Variants in CHST9 observed in about 807,000 individuals in gnomAD.
CHST9 encodes carbohydrate sulfotransferase 9.
In CHST9, 41 loss-of-function variants were observed where a neutral mutation model predicts 44.4. That is an observed-to-expected ratio of 0.92 (90% confidence interval 0.72 to 1.20). CHST9 has a LOEUF of 1.20. Ranked by LOEUF, CHST9 falls within the 50% of genes most tolerant of loss-of-function variation. The pLI is 0.00. For synonymous variants in CHST9, 171 were observed against 178.4 expected (o/e 0.96, Z 0.33); for missense variants, 504 against 516.5 (o/e 0.98, Z 0.23).
intron 5 of CHST9, among the ~76,000 whole-genome samples, chr18:26,918,309 T>C (rs2055575874): frequency 6.6e-6 from 1 of 152,054 alleles, no homozygotes; most frequent in Non-Finnish European, 1.5e-5. Flanking sequence ...TTGAAAAGGA[T>C]GGTGTGGAGA....
chr18:27,066,659 C>G (rs1375499290), intron 2 of CHST9, among the ~76,000 whole-genome samples: 3 of 152,130 alleles, frequency 2.0e-5, no homozygotes, highest in African/African-American at 7.2e-5. Context: ...ATTCACATTT[C>G]CTACATTAAT....
intron 4 of CHST9, among the ~76,000 whole-genome samples, chr18:26,954,957 A>G (rs2145137757): frequency 6.6e-6 from 1 of 152,248 alleles, no homozygotes. Flanking sequence ...AGTGTTCAAT[A>G]TATATATTGA....
In CHST9 at chr18:27,142,909, G is replaced by C; in HGVS notation, c.-96-4C>G. ...GAGCCCAATTCCATAAAGTAACCTA[G>C]AATTTTAAAAAGAAATCTACATTGT... On this transcript the variant is annotated splice_polypyrimidine_tract_variant and splice_region_variant and intron_variant, in intron 1 of 5. Coordinates refer to ENST00000618847, the MANE Select transcript of CHST9 (RefSeq NM_031422.6). 8.8e-7 allele frequency: 1 copy of C among 1,132,582 alleles called. No individual in the cohort carries two copies. Among genetic ancestry groups the C allele is most frequent in the South Asian group, 1.8e-5 (1 of 56,492 alleles). 70.2% of individuals were successfully genotyped at this position (1,132,582 alleles called of 1,614,324 possible). A position where few individuals can be genotyped will look rare whatever the true frequency, so the allele number is the denominator to read the frequency against.
chr18:27,174,101 T>A (rs1225027173), intron 1 of CHST9, among the ~76,000 whole-genome samples: 1 of 151,984 alleles, frequency 6.6e-6, no homozygotes, highest in Non-Finnish European at 1.5e-5. Flanking sequence ...GATGTAATAC[T>A]GTTATATGAG....
At chr18:27,099,078 T>G (rs1480820730) in intron 2 of CHST9, among the ~76,000 whole-genome samples, 1 of 151,938 alleles carries the variant, frequency 6.6e-6, no homozygotes. Flanking sequence ...TCGACAAAAA[T>G]AAGCAATAGA....
chr18:27,049,202 G>C (rs1175338041), intron 2 of CHST9, among the ~76,000 whole-genome samples: 2 of 152,122 alleles, frequency 1.3e-5, no homozygotes, highest in Non-Finnish European at 2.9e-5. Context: ...GGAGTGGAGA[G>C]GAGGGAAGTA....
chr18:26,998,752 AAAAG>A (rs1237376740), intron 4 of CHST9, among the ~76,000 whole-genome samples: 15 of 151,722 alleles, frequency 9.9e-5, no homozygotes, highest in Non-Finnish European at 1.8e-4. Flanking sequence ...AAAAAAAAAA[AAAAG>A]AAAGAAAGAA....
chr18:27,031,562 A>G (rs2057341065), intron 3 of CHST9, among the ~76,000 whole-genome samples: 1 of 152,148 alleles, frequency 6.6e-6, no homozygotes, highest in Admixed American at 6.5e-5. Context: ...ATCCATTTTC[A>G]TCTTAATTTA....
chr18:27,162,207 T>C (rs1333831157), intron 1 of CHST9, among the ~76,000 whole-genome samples: 8 of 152,244 alleles, frequency 5.3e-5, no homozygotes, highest in South Asian at 2.1e-4. Context: ...CTAGCCTTGA[T>C]GGTCTTTACA....
intron 2 of CHST9, among the ~76,000 whole-genome samples, chr18:27,069,671 A>G (rs757376029): frequency 4.6e-5 from 7 of 152,348 alleles, no homozygotes; most frequent in South Asian, 2.1e-4. Flanking sequence ...TATATGCACT[A>G]TAACTCCAGT....
intron 2 of CHST9, among the ~76,000 whole-genome samples, chr18:27,098,231 A>C (rs534810514): frequency 6.6e-6 from 1 of 152,300 alleles, no homozygotes; most frequent in Admixed American, 6.5e-5. Context: ...TGGTCATTAG[A>C]GAAATGCAAA....
chr18:27,037,833 T>G, intron 3 of CHST9, among the ~76,000 whole-genome samples: 1 of 141,832 alleles, frequency 7.1e-6, no homozygotes, highest in Non-Finnish European at 1.6e-5. Context: ...GTCATTTAGT[T>G]AAGTTTTTTT....
intron 4 of CHST9, among the ~76,000 whole-genome samples, chr18:26,990,384 G>A (rs954628343): frequency 1.3e-5 from 2 of 152,190 alleles, no homozygotes; most frequent in African/African-American, 4.8e-5. Flanking sequence ...TGGGGTGCAA[G>A]TAACTGTTTC....
intron 4 of CHST9, among the ~76,000 whole-genome samples, chr18:26,989,960 T>C (rs1278055210): frequency 6.6e-6 from 1 of 151,192 alleles, no homozygotes; most frequent in African/African-American, 2.4e-5. Context: ...AAAAAATAAG[T>C]AAAAAAATAA....
intron 5 of CHST9, among the ~76,000 whole-genome samples, chr18:26,918,530 ATG>A (rs533684954): frequency 3.9e-4 from 59 of 151,964 alleles, no homozygotes; most frequent in Middle Eastern, 3.4e-3. Context: ...GTACATATAT[ATG>A]TGTGTGTGTG....
chr18:26,944,352 T>G lies in CHST9; in HGVS notation c.217A>C (p.Ile73Leu). 2 of 1,608,526 alleles carry G rather than the reference T, an allele frequency of 1.2e-6. No individual in the cohort carries two copies. The highest frequency in any genetic ancestry group is 1.7e-6 in the Non-Finnish European group (2 of 1,175,488). Residue 73 changes from isoleucine (I) to leucine (L), a missense_variant, in exon 5 of 6, where the codon ATC becomes CTC. Transcript: ENST00000618847. ...PVPRIMSTEK[I>L]QEHITNQNPK... ...ACCTGGTTGGTGATATGTTCCTGGA[T>G]TTTTTCTGTACTCACTGAAAGAGAA...
chr18:27,023,194 C>T (rs1433179409), intron 4 of CHST9, among the ~76,000 whole-genome samples: 1 of 152,120 alleles, frequency 6.6e-6, no homozygotes, highest in Admixed American at 6.5e-5. Flanking sequence ...AATAATATAT[C>T]ATTTTTTTCT....
chr18:27,048,519 G>T lies in CHST9; in HGVS notation c.122-16C>A. 1 of 1,598,282 alleles carries T rather than the reference G, an allele frequency of 6.3e-7. No individual in the cohort carries two copies. Among genetic ancestry groups the T allele is most frequent in the South Asian group, 1.1e-5 (1 of 87,810 alleles). On this transcript the variant is annotated splice_polypyrimidine_tract_variant and intron_variant, in intron 2 of 5. Coordinates refer to ENST00000618847, the MANE Select transcript of CHST9 (RefSeq NM_031422.6). ...TCCACTCTCCCTGAAATGAGAAGTG[G>T]AAGATAAGTTACAGCATGGAGTCAT...
At chr18:27,026,149 G>C (rs571613446) in intron 3 of CHST9, among the ~76,000 whole-genome samples, 1 of 152,232 alleles carries the variant, frequency 6.6e-6, no homozygotes, top group African/African-American at 2.4e-5. Flanking sequence ...TGAAGGTTGT[G>C]CAAATCTGGC....
Sources: allele counts gnomAD v4.1 joint callset (sites outside exome capture counted in the v4.1 genomes callset), GRCh38; gene constraint gnomAD v4.1.1; transcripts MANE v1.5; gene names NCBI Gene and HGNC (gene_info 2026-07-23, HGNC 2026-07-21).